BNC2: variants seen among roughly 807,000 people sequenced by gnomAD.
BNC2 encodes zinc finger protein basonuclin-2.
A neutral mutation model predicts 76.3 loss-of-function variants in BNC2; 20 were observed. That is an observed-to-expected ratio of 0.26 (90% CI 0.18 to 0.38). BNC2 has a LOEUF of 0.38. BNC2 is among the 10% of genes least tolerant of loss of function. BNC2 has a pLI of 1.00. For missense variants in BNC2, 1,382 were observed against 1,399.8 expected (o/e 0.99, Z 0.20); for synonymous variants, 582 against 514.8 (o/e 1.13, Z -1.77).
intron 5 of BNC2, among the ~76,000 whole-genome samples, chr9:16,490,024 T>G (rs1438785289): frequency 6.6e-6 from 1 of 152,198 alleles, no homozygotes; most frequent in Admixed American, 6.5e-5. Context: ...GATCTTTCTA[T>G]TCTTCCAATA....
At chr9:16,421,851 A>G (rs568719603) in intron 6 of BNC2, among the ~76,000 whole-genome samples, 151 of 114,564 alleles carry the variant, frequency 1.3e-3, no homozygotes, top group African/African-American at 7.0e-3. Flanking sequence ...TGAGCAGCTC[A>G]TGAAATCCTA....
At chr9:16,527,933 T>C (rs1817861220) in intron 5 of BNC2, among the ~76,000 whole-genome samples, 1 of 152,192 alleles carries the variant, frequency 6.6e-6, no homozygotes. Context: ...AAGGATGAGA[T>C]AACCATGAGG....
At chr9:16,848,796 C>T (rs1364148770) in intron 1 of BNC2, among the ~76,000 whole-genome samples, 1 of 152,210 alleles carries the variant, frequency 6.6e-6, no homozygotes, top group African/African-American at 2.4e-5. Context: ...AAATCCCACA[C>T]TTTTTGAGTA....
At chr9:16,652,485 T>C (rs1821819844) in intron 3 of BNC2, among the ~76,000 whole-genome samples, 1 of 152,238 alleles carries the variant, frequency 6.6e-6, no homozygotes, top group Non-Finnish European at 1.5e-5. Flanking sequence ...ATTTTTATCT[T>C]CAGTGGTCTA....
chr9:16,510,742 C>G (rs979348150), intron 5 of BNC2, among the ~76,000 whole-genome samples: 1 of 152,120 alleles, frequency 6.6e-6, no homozygotes, highest in African/African-American at 2.4e-5. Context: ...CAAATGTTAT[C>G]AAATTTTATC....
chr9:16,464,315 G>C (rs1458536232), intron 5 of BNC2, among the ~76,000 whole-genome samples: 1 of 152,048 alleles, frequency 6.6e-6, no homozygotes, highest in Non-Finnish European at 1.5e-5. Flanking sequence ...TGCTCCAAGA[G>C]TACAGTGTCT....
chr9:16,563,924 G>A (rs1037799488), intron 4 of BNC2, among the ~76,000 whole-genome samples: 3 of 151,876 alleles, frequency 2.0e-5, no homozygotes, highest in African/African-American at 4.8e-5. Context: ...TATTTATATC[G>A]CTTGGATTTT....
chr9:16,801,308 G>GCC (rs1817772517), intron 1 of BNC2, among the ~76,000 whole-genome samples: 2 of 152,056 alleles, frequency 1.3e-5, no homozygotes, highest in South Asian at 4.1e-4. Context: ...GTACAGTGGC[G>GCC]TGATATTGCT....
At chr9:16,855,134 C>CGT (rs35273850) in intron 1 of BNC2, among the ~76,000 whole-genome samples, 9,247 of 149,940 alleles carry the variant, frequency 0.062, 490 homozygotes, top group Admixed American at 0.17. Context: ...GTTCACATGG[C>CGT]GTGTGTGTGT....
chr9:16,761,493 T>C (rs1241701393), intron 1 of BNC2, among the ~76,000 whole-genome samples: 4 of 152,196 alleles, frequency 2.6e-5, no homozygotes, highest in Admixed American at 2.6e-4. Context: ...TACAAAACTA[T>C]GATATAATCT....
In BNC2 at chr9:16,780,812, G is replaced by A. The variant is rs1380988923; in HGVS notation, c.4-42327C>T. ...TTCTAGTATTAAGATAGAATACCTT[G>A]CTATGTGGGAAACATCCTTGACATC... On this transcript the variant is annotated intron_variant, in intron 1 of 6. Coordinates refer to ENST00000380672, the MANE Select transcript of BNC2 (RefSeq NM_017637.6). Among the ~76,000 whole-genome samples, 5 of 152,088 alleles carry A rather than the reference G, an allele frequency of 3.3e-5. No individual in the cohort carries two copies. The East Asian group carries it at 9.7e-4, about 29-fold the overall frequency.
intron 3 of BNC2, among the ~76,000 whole-genome samples, chr9:16,635,957 CA>C (rs1821311767): frequency 6.6e-6 from 1 of 152,086 alleles, no homozygotes; most frequent in Non-Finnish European, 1.5e-5. Context: ...ATGTGTAGAA[CA>C]GGGGATACAT....
At chr9:16,440,333 T>C (rs113750986) in intron 5 of BNC2, among the ~76,000 whole-genome samples, 11,539 of 152,194 alleles carry the variant, frequency 0.076, 449 homozygotes, top group Middle Eastern at 0.13. Context: ...TCTGTGGTAG[T>C]AAAGAGCAGG....
At chr9:16,546,585 C>A (rs1212883983) in intron 5 of BNC2, among the ~76,000 whole-genome samples, 1 of 152,006 alleles carries the variant, frequency 6.6e-6, no homozygotes, top group Non-Finnish European at 1.5e-5. Context: ...GTTTTAGTCA[C>A]AGAAATGAGA....
At chr9:16,701,018 C>A (rs1035192029) in intron 3 of BNC2, among the ~76,000 whole-genome samples, 2 of 152,108 alleles carry the variant, frequency 1.3e-5, no homozygotes, top group African/African-American at 4.8e-5. Context: ...ACAAGATAAA[C>A]AAAACCTTCA....
At chr9:16,852,290 G>A (rs531198195) in intron 1 of BNC2, among the ~76,000 whole-genome samples, 5 of 152,154 alleles carry the variant, frequency 3.3e-5, no homozygotes, top group East Asian at 1.9e-4. Flanking sequence ...CCCCCAAATC[G>A]TAAAGGATGA....
chr9:16,592,295 C>T (rs1359808339), intron 3 of BNC2, among the ~76,000 whole-genome samples: 1 of 152,106 alleles, frequency 6.6e-6, no homozygotes, highest in Non-Finnish European at 1.5e-5. Context: ...ATCCCTCCAT[C>T]CACTGACAAA....
chr9:16,500,522 G>GTA (rs1822495991), intron 5 of BNC2, among the ~76,000 whole-genome samples: 1 of 152,052 alleles, frequency 6.6e-6, no homozygotes, highest in Non-Finnish European at 1.5e-5. Flanking sequence ...CTCACTTGAA[G>GTA]TATATATATA....
intron 5 of BNC2, among the ~76,000 whole-genome samples, chr9:16,452,952 A>G (rs1821373571): frequency 1.3e-5 from 2 of 152,190 alleles, no homozygotes; most frequent in South Asian, 4.1e-4. Context: ...AAGAACTTCT[A>G]TCTGAATTCT....
Sources: allele counts gnomAD v4.1 joint callset (sites outside exome capture counted in the v4.1 genomes callset), GRCh38; gene constraint gnomAD v4.1.1; transcripts MANE v1.5; gene names NCBI Gene and HGNC (gene_info 2026-07-23, HGNC 2026-07-21).